Variants in ADAMTSL1 observed in about 807,000 individuals in gnomAD.
ADAMTSL1 encodes the protein ADAMTS-like protein 1.
ADAMTSL1 carries 126 observed loss-of-function variants against 201.8 expected under a neutral mutation model. The ratio of observed to expected loss-of-function variants is 0.62; its 90% CI spans 0.54 to 0.72. ADAMTSL1 has a LOEUF of 0.72. Among genes scored for constraint, ADAMTSL1 ranks in the 30% least tolerant of loss-of-function variants. ADAMTSL1 has a pLI of 0.00. For missense variants in ADAMTSL1, 2,679 were observed against 2,277.8 expected (o/e 1.18, Z -3.59); for synonymous variants, 1,121 against 903.4 (o/e 1.24, Z -4.32).
chr9:18,886,140 G>GTA (rs1464921054), intron 23 of ADAMTSL1, among the ~76,000 whole-genome samples: 2 of 127,806 alleles, frequency 1.6e-5, no homozygotes, highest in Non-Finnish European at 3.3e-5. Context: ...ATATGTATGT[G>GTA]TATATATACA....
chr9:18,184,050 T>G (rs1167733817), intron 2 of ADAMTSL1, among the ~76,000 whole-genome samples: 3 of 152,142 alleles, frequency 2.0e-5, no homozygotes, highest in Non-Finnish European at 2.9e-5. Flanking sequence ...GAGGGAGAGA[T>G]TAGTTCATCA....
chr9:18,617,095 C>T (rs1471408620), intron 4 of ADAMTSL1, among the ~76,000 whole-genome samples: 1 of 152,188 alleles, frequency 6.6e-6, no homozygotes, highest in African/African-American at 2.4e-5. Context: ...TTTCTTACCT[C>T]ATGATGTTGG....
chr9:17,941,469 A>G (rs1412379476), intron 1 of ADAMTSL1, among the ~76,000 whole-genome samples: 2 of 152,100 alleles, frequency 1.3e-5, no homozygotes, highest in Non-Finnish European at 2.9e-5. Context: ...CAGTTTCAGT[A>G]TAGAATCTAT....
chr9:18,800,014 G>A (rs1028887505), intron 20 of ADAMTSL1, among the ~76,000 whole-genome samples: 5 of 152,064 alleles, frequency 3.3e-5, no homozygotes, highest in African/African-American at 1.2e-4. Context: ...TAAAGAGTTA[G>A]GCTCACAGAG....
At chr9:18,294,661 G>T (rs1021583388) in intron 2 of ADAMTSL1, among the ~76,000 whole-genome samples, 1 of 152,190 alleles carries the variant, frequency 6.6e-6, no homozygotes, top group South Asian at 2.1e-4. Context: ...TCTAAGGAAA[G>T]CTCTCAGTCT....
At chr9:18,656,447 C>T (rs961077908) in intron 7 of ADAMTSL1, among the ~76,000 whole-genome samples, 1 of 151,720 alleles carries the variant, frequency 6.6e-6, no homozygotes, top group Admixed American at 6.6e-5. Flanking sequence ...GGCTAACATT[C>T]TGAAACCCCG....
chr9:17,945,733 G>A (rs1463843911), intron 1 of ADAMTSL1, among the ~76,000 whole-genome samples: 6 of 148,260 alleles, frequency 4.0e-5, no homozygotes, highest in African/African-American at 1.0e-4. Context: ...ACCAAACACC[G>A]CATATTCTCA....
At chr9:18,035,662 C>T (rs1821163985) in intron 1 of ADAMTSL1, among the ~76,000 whole-genome samples, 1 of 152,060 alleles carries the variant, frequency 6.6e-6, no homozygotes, top group Non-Finnish European at 1.5e-5. Context: ...GTTTTTCCTC[C>T]CATAGTGCTC....
chr9:18,314,549 C>T (rs570545443), intron 2 of ADAMTSL1, among the ~76,000 whole-genome samples: 1 of 150,348 alleles, frequency 6.7e-6, no homozygotes, highest in Non-Finnish European at 1.5e-5. Flanking sequence ...TCCTCCCGTC[C>T]GCAGTTGTTC....
chr9:18,420,862 A>G (rs1033118178), intron 2 of ADAMTSL1, among the ~76,000 whole-genome samples: 7 of 152,190 alleles, frequency 4.6e-5, no homozygotes, highest in Admixed American at 2.6e-4. Flanking sequence ...TCTGAATGGT[A>G]ATGGGTGCCT....
Position 18,777,315 on chromosome 9 carries a change from T to C in ADAMTSL1, c.3086T>C (p.Leu1029Pro). The change falls in exon 19 of 29, where the codon CTG becomes CCG. Residue 1029 changes from leucine (L) to proline (P), a missense_variant. Leu to Pro is a moderately conservative substitution (Grantham distance 98). Transcript: ENST00000380548. ...SRYDDLVSRL[L>P]EQGGWPGELL... The stretch of plus-strand genomic sequence containing the variant: ...TACGACGACCTCGTCTCCCGGCTGC[T>C]GGAGCAGGGCGGCTGGCCCGGAGAG... 1 of 1,603,092 alleles carries C rather than the reference T, an allele frequency of 6.2e-7. No homozygotes were observed. The highest frequency in any genetic ancestry group is 1.7e-4 in the Middle Eastern group (1 of 6,038).
intron 2 of ADAMTSL1, among the ~76,000 whole-genome samples, chr9:18,174,643 C>T (rs1183762069): frequency 6.6e-6 from 1 of 151,950 alleles, no homozygotes; most frequent in Non-Finnish European, 1.5e-5. Context: ...AGTGCTATTT[C>T]AGAGTAGGTA....
At chr9:18,019,760 G>T (rs1370272067) in intron 1 of ADAMTSL1, among the ~76,000 whole-genome samples, 2 of 152,070 alleles carry the variant, frequency 1.3e-5, no homozygotes, top group Non-Finnish European at 2.9e-5. Flanking sequence ...TGGAATCTCA[G>T]AATTCTACTG....
intron 2 of ADAMTSL1, among the ~76,000 whole-genome samples, chr9:18,340,047 G>T (rs1230338348): frequency 6.6e-6 from 1 of 152,138 alleles, no homozygotes; most frequent in Non-Finnish European, 1.5e-5. Context: ...CTTCACATCT[G>T]ATGTTACTCC....
At chr9:18,038,112 C>T (rs961181541) in intron 1 of ADAMTSL1, among the ~76,000 whole-genome samples, 3 of 152,198 alleles carry the variant, frequency 2.0e-5, no homozygotes, top group South Asian at 2.1e-4. Context: ...CCTGGCTTCC[C>T]GCCATTATGG....
intron 1 of ADAMTSL1, among the ~76,000 whole-genome samples, chr9:18,124,969 A>G (rs1299665804): frequency 2.0e-5 from 3 of 152,192 alleles, no homozygotes; most frequent in Admixed American, 6.5e-5. Context: ...TCATTCACCC[A>G]GTTTGGTATT....
chr9:18,062,568 A>G (rs1822507074), intron 1 of ADAMTSL1, among the ~76,000 whole-genome samples: 1 of 152,174 alleles, frequency 6.6e-6, no homozygotes, highest in South Asian at 2.1e-4. Context: ...CTGTAAATGA[A>G]ATAAAGAAGA....
At chr9:18,794,398 C>T (rs1456770695) in intron 19 of ADAMTSL1, among the ~76,000 whole-genome samples, 1 of 143,062 alleles carries the variant, frequency 7.0e-6, no homozygotes, top group African/African-American at 2.6e-5. Flanking sequence ...GAGCAAGACC[C>T]TGTCTCAAAA....
At chr9:18,772,371 A>T (rs1157483480) in intron 17 of ADAMTSL1, among the ~76,000 whole-genome samples, 1 of 152,132 alleles carries the variant, frequency 6.6e-6, no homozygotes, top group Non-Finnish European at 1.5e-5. Context: ...GATTCAGAAA[A>T]TGTTCTTTTG....
Sources: gnomAD v4.1 joint callset for allele counts (sites outside exome capture counted in the v4.1 genomes callset) on GRCh38, gnomAD v4.1.1 for gene constraint, MANE v1.5 for transcripts, NCBI Gene and HGNC (gene_info 2026-07-23, HGNC 2026-07-21) for gene names.